MYO5A: variants seen among roughly 807,000 people sequenced by gnomAD.
MYO5A encodes the protein myosin VA.
A neutral mutation model predicts 249.7 loss-of-function variants in MYO5A; 98 were observed. That is an observed-to-expected ratio of 0.39 (90% CI 0.33 to 0.46). MYO5A has a LOEUF of 0.46. Among genes scored for constraint, MYO5A ranks in the 20% least tolerant of loss-of-function variants. The pLI is 0.98. For missense variants in MYO5A, 1,696 were observed against 2,308.8 expected, an observed-to-expected ratio of 0.73 and a Z score of 5.44; for synonymous variants, 778 against 810.6, an observed-to-expected ratio of 0.96 and a Z score of 0.68.
At chr15:52,476,344 C>T (rs2076592608) in intron 1 of MYO5A, among the ~76,000 whole-genome samples, 3 of 151,498 alleles carry the variant, frequency 2.0e-5, no homozygotes, top group Non-Finnish European at 2.9e-5. Flanking sequence ...GACTCTTTAT[C>T]AAATTTGCCA....
At chr15:52,323,820 A>G (rs896748689) in intron 36 of MYO5A, 15 of 285,944 alleles carry the variant, frequency 5.2e-5, no homozygotes, top group Non-Finnish European at 9.5e-5. Context: ...CCTGGCCAAC[A>G]TGGCGAAACC....
intron 1 of MYO5A, among the ~76,000 whole-genome samples, chr15:52,455,769 T>C (rs542382777): frequency 5.8e-5 from 2 of 34,286 alleles, no homozygotes; most frequent in African/African-American, 6.8e-5. Flanking sequence ...CATCCCTTCA[T>C]GATAAAAAAA....
At chr15:52,519,824 G>C (rs766815596) in intron 1 of MYO5A, among the ~76,000 whole-genome samples, 1 of 151,730 alleles carries the variant, frequency 6.6e-6, no homozygotes, top group African/African-American at 2.4e-5. Context: ...TCTGCTTCCC[G>C]GGTTCAAGCG....
intron 5 of MYO5A, among the ~76,000 whole-genome samples, chr15:52,414,004 A>G (rs1054660656): frequency 1.3e-5 from 2 of 152,102 alleles, no homozygotes; most frequent in East Asian, 1.9e-4. Context: ...TTGATCCCCA[A>G]TGTGAAGGTG....
rs57527294 is a variant in MYO5A, at chr15:52,442,758, C to CTT, written c.28-9475_28-9474dup. On this transcript the variant is annotated intron_variant, in intron 1 of 41. Transcript: ENST00000399233. The stretch of plus-strand genomic sequence containing the variant: ...CACCCATTGTTAAAACAGTTTTTTT[C>CTT]TTTTTTTTTTTTTTTGAGATAGAGT... Among the ~76,000 whole-genome samples, 478 of 140,994 alleles carry CTT rather than the reference C, an allele frequency of 3.4e-3. 1 individual carries two copies. Among genetic ancestry groups the CTT allele is most frequent in the Non-Finnish European group, 5.4e-3 (357 of 65,746 alleles). 92.5% of individuals were successfully genotyped at this position (140,994 alleles called of 152,430 possible). A position where few individuals can be genotyped will look rare whatever the true frequency, so the allele number is the denominator to read the frequency against.
intron 1 of MYO5A, among the ~76,000 whole-genome samples, chr15:52,472,388 C>T (rs1346708160): frequency 1.3e-5 from 2 of 151,932 alleles, no homozygotes; most frequent in African/African-American, 4.8e-5. Context: ...CCTATCCAGA[C>T]ATTTTTTTCA....
Position 52,313,506 on chromosome 15 carries a change from A to T in MYO5A, c.*190T>A. ...ATGAGTGTTGCTATAAAGATAACAC[A>T]GCACGAAAGAGCCTATCTTTGTTTC... On this transcript the variant is annotated 3_prime_UTR_variant, in exon 42 of 42. Transcript: ENST00000399233. The T allele has an allele frequency of 1.4e-6, 1 of 712,094 alleles. No individual in the cohort carries two copies. The highest frequency in any genetic ancestry group is 2.3e-6 in the Non-Finnish European group (1 of 427,858). The allele number at this position is 712,094 out of a possible 1,614,324, so 44.1% of individuals were successfully genotyped here.
intron 16 of MYO5A, among the ~76,000 whole-genome samples, chr15:52,381,018 A>G (rs2041714122): frequency 6.6e-6 from 1 of 152,196 alleles, no homozygotes; most frequent in South Asian, 2.1e-4. Flanking sequence ...TTTGTTTTGT[A>G]TTACATTTTG....
chr15:52,516,334 A>C (rs973652187), intron 1 of MYO5A, among the ~76,000 whole-genome samples: 1 of 152,216 alleles, frequency 6.6e-6, no homozygotes, highest in African/African-American at 2.4e-5. Flanking sequence ...ATTAATCACT[A>C]TTATTTGATA....
Position 52,343,115 on chromosome 15 carries a change from A to AC in MYO5A, c.4040+1dup. 6.2e-7 allele frequency: 1 copy of AC among 1,608,368 alleles called. No individual in the cohort carries two copies. The highest frequency in any genetic ancestry group is 8.5e-7 in the Non-Finnish European group (1 of 1,174,748). ...ATTCCATTTTGAGGAGACAAATATA[A>AC]CCTGTTGGCTTGTTTTAACCCTTCA... On this transcript the variant is annotated splice_donor_variant, in intron 31 of 41. Coordinates refer to ENST00000399233, the MANE Select transcript of MYO5A (RefSeq NM_001382347.1). LOFTEE classifies it high-confidence loss of function.
At chr15:52,433,314 C>G in intron 1 of MYO5A, 29 bp from the exon 2 acceptor site, 2 of 1,302,842 alleles carry the variant, frequency 1.5e-6, no homozygotes, top group Non-Finnish European at 2.2e-6. Flanking sequence ...AAAATTTAAA[C>G]TAGCAAATCA....
At chr15:52,349,956 G>A (rs757955785) in intron 28 of MYO5A, among the ~76,000 whole-genome samples, 20 of 149,642 alleles carry the variant, frequency 1.3e-4, no homozygotes, top group Non-Finnish European at 2.5e-4. Flanking sequence ...AGTTTGAGAC[G>A]GAGTCTCACT....
intron 1 of MYO5A, among the ~76,000 whole-genome samples, chr15:52,465,596 A>T (rs1407558982): frequency 6.6e-6 from 1 of 152,108 alleles, no homozygotes; most frequent in Non-Finnish European, 1.5e-5. Flanking sequence ...ATTCGAAAGT[A>T]TAGTGCGCTA....
At chr15:52,479,606 A>G (rs935836298) in intron 1 of MYO5A, among the ~76,000 whole-genome samples, 1 of 152,226 alleles carries the variant, frequency 6.6e-6, no homozygotes. Flanking sequence ...ATGTGCTGAC[A>G]TGGAAAGATA....
intron 34 of MYO5A, among the ~76,000 whole-genome samples, chr15:52,335,002 C>A (rs1174589684): frequency 1.3e-5 from 2 of 152,188 alleles, no homozygotes; most frequent in African/African-American, 4.8e-5. Context: ...GCAGTTATGA[C>A]AAGACCTGGC....
chr15:52,478,768 G>A (rs1303886138), intron 1 of MYO5A, among the ~76,000 whole-genome samples: 6 of 152,140 alleles, frequency 3.9e-5, no homozygotes, highest in Admixed American at 3.3e-4. Context: ...GAGACAAACT[G>A]TTCACACGGG....
At chr15:52,453,501 G>C (rs1028014103) in intron 1 of MYO5A, among the ~76,000 whole-genome samples, 4 of 151,938 alleles carry the variant, frequency 2.6e-5, no homozygotes, top group Non-Finnish European at 5.9e-5. Flanking sequence ...AACATGTGAA[G>C]GTATAAAACT....
intron 25 of MYO5A, among the ~76,000 whole-genome samples, chr15:52,358,350 T>G (rs2040351573): frequency 6.6e-6 from 1 of 152,226 alleles, no homozygotes; most frequent in East Asian, 1.9e-4. Context: ...CAACAGGATG[T>G]AATCCTAAAA....
chr15:52,424,124 G>C (rs771407607), intron 4 of MYO5A, among the ~76,000 whole-genome samples: 6 of 152,132 alleles, frequency 3.9e-5, no homozygotes, highest in Non-Finnish European at 2.9e-5. Flanking sequence ...ACTACTGGTA[G>C]ATTTTTCCAA....
Sources: gnomAD v4.1 joint callset for allele counts (sites outside exome capture counted in the v4.1 genomes callset) on GRCh38, gnomAD v4.1.1 for gene constraint, MANE v1.5 for transcripts, NCBI Gene and HGNC (gene_info 2026-07-23, HGNC 2026-07-21) for gene names.